Variants in MGA observed in about 807,000 individuals in gnomAD.
The protein encoded by MGA is MAX dimerization protein MGA.
Under a neutral mutation model 261.1 loss-of-function variants are expected in MGA, and 40 were observed. The ratio of observed to expected loss-of-function variants is 0.15; its 90% CI spans 0.12 to 0.20. The LOEUF (loss-of-function observed/expected upper bound fraction) is 0.20. Ranked by LOEUF, MGA falls within the 10% of genes least tolerant of loss-of-function variation. The pLI, the probability that MGA is intolerant of heterozygous loss-of-function variation, is 1.00. For missense variants in MGA, 3,397 were observed against 3,630.5 expected (o/e 0.94, Z 1.65); for synonymous variants, 1,302 against 1,290.6 (o/e 1.01, Z -0.19).
rs2060358803 is a variant in MGA at position 41,711,007 on chromosome 15, T to C, written c.2742T>C (p.Ser914=). The C allele has an allele frequency of 6.2e-7, 1 of 1,613,992 alleles. No homozygotes were observed. The highest frequency in any genetic ancestry group is 8.5e-7 in the Non-Finnish European group (1 of 1,179,866). The change falls in exon 8 of 24, where the codon TCT becomes TCC. Residue 914 remains serine, a synonymous_variant. Transcript: ENST00000219905. ...CTTTCAGTGGCCGAACTAAATCATCTTATAAATCCATTTTACCATACCCTG... is the reference window on the plus strand; with the variant it reads ...CTTTCAGTGGCCGAACTAAATCATCCTATAAATCCATTTTACCATACCCTG...
chr15:41,622,923 C>T (rs766472670), intron 1 of MGA, among the ~76,000 whole-genome samples: 4 of 152,166 alleles, frequency 2.6e-5, no homozygotes, highest in Non-Finnish European at 4.4e-5. Context: ...GAATTTTGTG[C>T]GAACACATCT....
At chr15:41,714,886 C>G (rs1301372016) in intron 9 of MGA, among the ~76,000 whole-genome samples, 1 of 152,254 alleles carries the variant, frequency 6.6e-6, no homozygotes, top group East Asian at 1.9e-4. Context: ...ATTTGTATTT[C>G]TTCTATGATA....
intron 3 of MGA, 96 bp from the exon 4 acceptor site, chr15:41,698,767 T>G: frequency 1.1e-6 from 1 of 907,844 alleles, no homozygotes; most frequent in Non-Finnish European, 1.7e-6. Context: ...ATGGAGATAT[T>G]TTCCTTCTGG....
chr15:41,744,101 CCT>C (rs2062284118), intron 15 of MGA, among the ~76,000 whole-genome samples: 1 of 152,002 alleles, frequency 6.6e-6, no homozygotes, highest in Non-Finnish European at 1.5e-5. Context: ...GGTCCAAATT[CCT>C]CTCTGTCTTT....
intron 3 of MGA, 84 bp downstream of exon 3, chr15:41,697,107 A>G (rs1221251056): frequency 5.1e-6 from 6 of 1,175,404 alleles, no homozygotes; most frequent in East Asian, 2.6e-5. Flanking sequence ...TCGATTTACA[A>G]TCTAGTTTTG....
chr15:41,762,400 T>C (rs535075062), intron 22 of MGA, 38 bp downstream of exon 22: 196 of 1,501,052 alleles, frequency 1.3e-4, no homozygotes, highest in Non-Finnish European at 1.8e-4. Context: ...AATGTAGATA[T>C]ACATCAGTTG....
At chr15:41,715,457 A>G (rs956658934) in intron 9 of MGA, among the ~76,000 whole-genome samples, 3 of 151,926 alleles carry the variant, frequency 2.0e-5, no homozygotes, top group Non-Finnish European at 2.9e-5. Flanking sequence ...GTCTTTCTCT[A>G]CCTTGAGATT....
At chr15:41,713,530 A>G in intron 9 of MGA, 34 bp downstream of exon 9, 1 of 1,486,822 alleles carries the variant, frequency 6.7e-7, no homozygotes, top group South Asian at 1.3e-5. Flanking sequence ...ACTGTGCCAT[A>G]TCAGTTTTTG....
chr15:41,633,915 C>A (rs2150568108), intron 1 of MGA, among the ~76,000 whole-genome samples: 1 of 152,240 alleles, frequency 6.6e-6, no homozygotes, highest in East Asian at 1.9e-4. Flanking sequence ...CTTCTCTGAC[C>A]TTATCTCTTA....
chr15:41,741,787 C>T (rs1041834981), intron 14 of MGA, among the ~76,000 whole-genome samples: 36 of 152,118 alleles, frequency 2.4e-4, no homozygotes, highest in Admixed American at 2.2e-3. Flanking sequence ...TCTCATTTCA[C>T]TGCAGCATCC....
At chr15:41,712,451 C>G (rs1233657050) in intron 8 of MGA, among the ~76,000 whole-genome samples, 1 of 152,140 alleles carries the variant, frequency 6.6e-6, no homozygotes, top group Non-Finnish European at 1.5e-5. Flanking sequence ...CTCCTGGGCT[C>G]AAGCTATCTG....
intron 14 of MGA, among the ~76,000 whole-genome samples, chr15:41,741,278 C>T (rs2062077397): frequency 1.5e-5 from 2 of 130,382 alleles, no homozygotes; most frequent in Non-Finnish European, 3.1e-5. Context: ...ACCCGGGAGG[C>T]AGAGGTTGCA....
intron 1 of MGA, among the ~76,000 whole-genome samples, chr15:41,637,749 A>AT (rs979114932): frequency 1.8e-3 from 260 of 146,422 alleles, no homozygotes; most frequent in East Asian, 6.0e-3. Context: ...ATGGGTTACA[A>AT]TTTTTTTTTT....
At position 41,732,889 on chromosome 15, in the gene MGA, C is replaced by T. The variant is rs139371211; in HGVS notation, c.3844-1633C>T. 4.7e-4 allele frequency among the ~76,000 whole-genome samples: 71 copies of T among 152,298 alleles called. No homozygotes were observed. The East Asian group carries it at 0.013, about 28-fold the overall frequency. On this transcript the variant is annotated intron_variant, in intron 11 of 23. Coordinates refer to ENST00000219905, the MANE Select transcript of MGA (RefSeq NM_001164273.2). ...AAGATGAACCATTCAGACTCCTTTC[C>T]TAGGATTTTAAAAATTGGAACCAAG... is the stretch of plus-strand genomic sequence containing the variant.
At position 41,696,448 on chromosome 15, in the gene MGA, A is replaced by C. The variant is rs1479350092; in HGVS notation, c.1438A>C (p.Thr480Pro). Residue 480 changes from threonine (T) to proline (P), a missense_variant, in exon 3 of 24, where the codon ACA becomes CCA. Thr to Pro is a conservative substitution (Grantham distance 38, BLOSUM62 -1). This residue lies in a region of MGA where 563 missense variants were observed against 563.6 expected (regional missense o/e 1.00). Coordinates refer to ENST00000219905, the MANE Select transcript of MGA (RefSeq NM_001164273.2). ...GGAGCCCTGTGCTGTCACCAGAAGC[A>C]CAGTTAAGATTTCTGAACTCCCCGA... 4 of 1,613,996 alleles carry C rather than the reference A, an allele frequency of 2.5e-6. No homozygotes were observed. Among genetic ancestry groups the C allele is most frequent in the Non-Finnish European group, 3.4e-6 (4 of 1,179,878 alleles).
At chr15:41,653,607 C>T (rs2057110738) in intron 1 of MGA, among the ~76,000 whole-genome samples, 1 of 151,030 alleles carries the variant, frequency 6.6e-6, no homozygotes, top group Non-Finnish European at 1.5e-5. Flanking sequence ...ACTCAGGAGG[C>T]TGAGGAAGGA....
In MGA at chr15:41,731,946, G is replaced by T. The variant is rs544402152; in HGVS notation, c.3844-2576G>T. Among the ~76,000 whole-genome samples, 3 of 152,282 alleles carry T rather than the reference G, an allele frequency of 2.0e-5. No homozygotes were observed. The South Asian group carries it at 6.2e-4, about 32-fold the overall frequency. On this transcript the variant is annotated intron_variant, in intron 11 of 23. Transcript: ENST00000219905. ...TTACCATGTGTCAGGTAGTGTGCCA[G>T]TGTGCTGTGCAATTACATGTACTAC... is the stretch of plus-strand genomic sequence containing the variant.
At chr15:41,756,891 GC>G (rs1188987049) in intron 18 of MGA, among the ~76,000 whole-genome samples, 2 of 152,020 alleles carry the variant, frequency 1.3e-5, no homozygotes, top group Non-Finnish European at 2.9e-5. Flanking sequence ...ACTGTGCCTG[GC>G]CTTCAGGTGG....
chr15:41,699,513 G>T (rs1229374864), intron 5 of MGA, among the ~76,000 whole-genome samples: 3 of 150,108 alleles, frequency 2.0e-5, no homozygotes, highest in Non-Finnish European at 4.5e-5. Context: ...GTGTGTGTTT[G>T]TTTGAGACGG....
Sources: gnomAD v4.1 joint callset for allele counts (sites outside exome capture counted in the v4.1 genomes callset) on GRCh38, gnomAD v4.1.1 for gene constraint, gnomAD v4.1.1 regional missense constraint, MANE v1.5 for transcripts, NCBI Gene and HGNC (gene_info 2026-07-23, HGNC 2026-07-21) for gene names.